DLGAP2: variants seen among roughly 807,000 people sequenced by gnomAD.
DLGAP2 encodes disks large-associated protein 2.
Under a neutral mutation model 100.3 loss-of-function variants are expected in DLGAP2, and 26 were observed. That is an observed-to-expected ratio of 0.26 (90% CI 0.19 to 0.36). DLGAP2 has a LOEUF of 0.36. Among genes scored for constraint, DLGAP2 ranks in the 10% least tolerant of loss-of-function variants. The probability of loss-of-function intolerance (pLI) is 1.00; values close to 1 mark genes in which losing one functional copy is unlikely to be tolerated. For synonymous variants in DLGAP2, 886 were observed against 630.1 expected (o/e 1.41, Z -6.08); for missense variants, 1,858 against 1,453.2 (o/e 1.28, Z -4.53).
intron 3 of DLGAP2, among the ~76,000 whole-genome samples, chr8:1,312,442 C>T (rs1374732285): frequency 2.0e-5 from 3 of 152,150 alleles, no homozygotes; most frequent in Admixed American, 2.0e-4. Context: ...TATCCAGTAA[C>T]AGATTGGTAT....
intron 3 of DLGAP2, among the ~76,000 whole-genome samples, chr8:1,487,118 A>G (rs1287035328): frequency 6.6e-6 from 1 of 152,210 alleles, no homozygotes; most frequent in Admixed American, 6.5e-5. Flanking sequence ...CCTTGTACTT[A>G]TTTGGTTTTC....
intron 4 of DLGAP2, among the ~76,000 whole-genome samples, chr8:1,524,503 G>T (rs1000419778): frequency 3.3e-5 from 5 of 152,152 alleles, no homozygotes; most frequent in African/African-American, 1.2e-4. Flanking sequence ...TGTCCTGGAG[G>T]CTGCAGTTCA....
chr8:1,290,124 G>T (rs750358969), intron 3 of DLGAP2, among the ~76,000 whole-genome samples: 1 of 152,190 alleles, frequency 6.6e-6, no homozygotes. Flanking sequence ...GAGGAGAGAA[G>T]AGGCTCTGAC....
chr8:1,663,156 G>T (rs1383968092), intron 8 of DLGAP2, among the ~76,000 whole-genome samples: 1 of 138,520 alleles, frequency 7.2e-6, no homozygotes. Context: ...GAGTGTGGGG[G>T]ATGTGTGCCT....
intron 12 of DLGAP2, among the ~76,000 whole-genome samples, chr8:1,684,085 A>C (rs919647337): frequency 4.7e-5 from 7 of 149,880 alleles, no homozygotes; most frequent in Non-Finnish European, 8.9e-5. Flanking sequence ...AAGTTCAAGC[A>C]ATGCTCCTGC....
intron 6 of DLGAP2, among the ~76,000 whole-genome samples, chr8:1,588,672 C>T (rs1331019991): frequency 1.5e-5 from 2 of 136,430 alleles, no homozygotes; most frequent in African/African-American, 2.8e-5. Context: ...GAGGCTGAGG[C>T]AGGTGGATCA....
intron 1 of DLGAP2, among the ~76,000 whole-genome samples, chr8:846,440 C>T (rs889220806): frequency 1.3e-5 from 2 of 152,210 alleles, no homozygotes; most frequent in South Asian, 2.1e-4. Flanking sequence ...CCTTTATATT[C>T]ATCCATGTTG....
chr8:1,488,830 C>T (rs565179751), intron 3 of DLGAP2, among the ~76,000 whole-genome samples: 1 of 152,292 alleles, frequency 6.6e-6, no homozygotes, highest in East Asian at 1.9e-4. Flanking sequence ...GAGATCACCC[C>T]AGGCTGACTC....
intron 2 of DLGAP2, among the ~76,000 whole-genome samples, chr8:1,005,349 A>T (rs1801075363): frequency 6.6e-6 from 1 of 151,960 alleles, no homozygotes; most frequent in Admixed American, 6.6e-5. Context: ...TTAGCAAGGC[A>T]GCCCGTCAAA....
intron 2 of DLGAP2, among the ~76,000 whole-genome samples, chr8:1,238,355 G>A (rs531416904): frequency 7.0e-5 from 1 of 14,384 alleles, no homozygotes; most frequent in South Asian, 3.2e-3. Context: ...AGAGCATCGT[G>A]TCTAGTTCTC....
At chr8:1,339,499 C>T (rs1801370963) in intron 3 of DLGAP2, among the ~76,000 whole-genome samples, 1 of 152,224 alleles carries the variant, frequency 6.6e-6, no homozygotes, top group African/African-American at 2.4e-5. Context: ...CATTCTGGAA[C>T]CGCAGCACTG....
chr8:787,008 T>C (rs1348279449), intron 1 of DLGAP2, among the ~76,000 whole-genome samples: 2 of 152,168 alleles, frequency 1.3e-5, no homozygotes, highest in Admixed American at 1.3e-4. Flanking sequence ...ACAAGACCTT[T>C]CTCTTTCTTT....
intron 2 of DLGAP2, among the ~76,000 whole-genome samples, chr8:1,023,782 G>A (rs540290029): frequency 4.5e-4 from 68 of 151,568 alleles, no homozygotes; most frequent in African/African-American, 8.0e-4. Flanking sequence ...GGGCATTCCC[G>A]TTTCAATGTC....
At chr8:1,357,457 G>T (rs182310684) in intron 3 of DLGAP2, among the ~76,000 whole-genome samples, 1 of 150,650 alleles carries the variant, frequency 6.6e-6, no homozygotes, top group African/African-American at 2.4e-5. Context: ...ATTATCAGGA[G>T]TCGTCTAATG....
At chr8:1,226,518 G>A (rs1037605195) in intron 2 of DLGAP2, among the ~76,000 whole-genome samples, 2 of 152,176 alleles carry the variant, frequency 1.3e-5, no homozygotes, top group South Asian at 2.1e-4. Flanking sequence ...GCTAATGCAT[G>A]TGGGGCTTAA....
In DLGAP2 at chr8:1,359,161, A is replaced by G. The variant is rs371009309; in HGVS notation, c.106+100278A>G. On this transcript the variant is annotated intron_variant, in intron 3 of 14. Coordinates refer to ENST00000637795, the MANE Select transcript of DLGAP2 (RefSeq NM_001346810.2). Reference sequence around the variant, plus strand: ...ACCCCTCTAGGCCACGTATCCCTGCACCATAGAAAGGAGGGCCCAGGACAC... The same window carrying G: ...ACCCCTCTAGGCCACGTATCCCTGCGCCATAGAAAGGAGGGCCCAGGACAC... 3.9e-5 allele frequency among the ~76,000 whole-genome samples: 6 copies of G among 152,262 alleles called. No homozygotes were observed. In the East Asian group the frequency reaches 9.7e-4, roughly 25 times the overall value.
At chr8:1,653,154 G>T (rs921046625) in intron 8 of DLGAP2, among the ~76,000 whole-genome samples, 2 of 152,198 alleles carry the variant, frequency 1.3e-5, no homozygotes, top group South Asian at 2.1e-4. Context: ...GCATCGCGTT[G>T]GTTCTTAGTG....
intron 2 of DLGAP2, among the ~76,000 whole-genome samples, chr8:1,104,448 A>G (rs538900266): frequency 6.6e-6 from 1 of 152,338 alleles, no homozygotes; most frequent in East Asian, 1.9e-4. Flanking sequence ...ACAAGAAGTC[A>G]CGGCACGTGT....
In DLGAP2 at chr8:1,062,532, G is replaced by A. The variant is rs571419718; in HGVS notation, c.73+154566G>A. On this transcript the variant is annotated intron_variant, in intron 2 of 14. Transcript: ENST00000637795. ...ATTTCTGACTTTCTGTACCTGGAAC[G>A]TCCACTTCCCCTGGTGCGGTGGCAT... Among the ~76,000 whole-genome samples, 17 of 152,306 alleles carry A rather than the reference G, an allele frequency of 1.1e-4. No homozygotes were observed. The East Asian group carries it at 2.9e-3, about 26-fold the overall frequency.
Sources: allele counts gnomAD v4.1 joint callset (sites outside exome capture counted in the v4.1 genomes callset), GRCh38; gene constraint gnomAD v4.1.1; transcripts MANE v1.5; gene names NCBI Gene and HGNC (gene_info 2026-07-23, HGNC 2026-07-21).